Variants in DEPDC1B observed in about 807,000 individuals in gnomAD.
DEPDC1B encodes the protein DEP domain containing 1B.
Under a neutral mutation model 66.5 loss-of-function variants are expected in DEPDC1B, and 51 were observed. The observed-to-expected ratio is 0.77, with a 90% CI of 0.61 to 0.97. The LOEUF (loss-of-function observed/expected upper bound fraction) is 0.97. Among genes scored for constraint, DEPDC1B ranks in the 50% least tolerant of loss-of-function variants. The pLI, the probability that DEPDC1B is intolerant of heterozygous loss-of-function variation, is 0.00. For synonymous variants in DEPDC1B, 226 were observed against 223.6 expected (o/e 1.01, Z -0.10); for missense variants, 552 against 637.1 (o/e 0.87, Z 1.44).
chr5:60,684,631 T>C (rs1754371932), intron 2 of DEPDC1B, among the ~76,000 whole-genome samples: 1 of 152,100 alleles, frequency 6.6e-6, no homozygotes, highest in Non-Finnish European at 1.5e-5. Flanking sequence ...CCTGAAACTA[T>C]AAAACTACTA....
At chr5:60,681,786 AT>A (rs201118059) in intron 2 of DEPDC1B, among the ~76,000 whole-genome samples, 2,856 of 148,828 alleles carry the variant, frequency 0.019, 108 homozygotes, top group African/African-American at 0.066. Flanking sequence ...CTGAATTATA[AT>A]TTTTTTTTTT....
At chr5:60,672,163 T>C (rs1754056402) in intron 2 of DEPDC1B, among the ~76,000 whole-genome samples, 1 of 152,234 alleles carries the variant, frequency 6.6e-6, no homozygotes. Flanking sequence ...ACTTATTTGC[T>C]TGTTGTATAG....
At chr5:60,647,760 C>T in intron 2 of DEPDC1B, 1 of 338,840 alleles carries the variant, frequency 3.0e-6, no homozygotes, top group Middle Eastern at 8.5e-4. Flanking sequence ...TTTCTGCAGT[C>T]TTGTTAGAAA....
At chr5:60,642,354 TAAC>T (rs1367500049) in intron 6 of DEPDC1B, among the ~76,000 whole-genome samples, 2 of 152,204 alleles carry the variant, frequency 1.3e-5, no homozygotes, top group Non-Finnish European at 2.9e-5. Context: ...TGAGATACTA[TAAC>T]AACTAATGCC....
intron 8 of DEPDC1B, among the ~76,000 whole-genome samples, chr5:60,604,215 A>ATTTTTTT (rs1323826916): frequency 1.5e-4 from 9 of 60,090 alleles, no homozygotes; most frequent in South Asian, 4.0e-4. Context: ...GAAATTAACT[A>ATTTTTTT]TTCTTTTTTT....
intron 7 of DEPDC1B, among the ~76,000 whole-genome samples, chr5:60,611,230 G>T (rs976710203): frequency 6.6e-5 from 10 of 152,086 alleles, no homozygotes; most frequent in Admixed American, 5.9e-4. Flanking sequence ...GTAAGTGTTT[G>T]GGGGAACCAC....
At chr5:60,693,089 T>C (rs1251389099) in intron 1 of DEPDC1B, among the ~76,000 whole-genome samples, 1 of 152,190 alleles carries the variant, frequency 6.6e-6, no homozygotes, top group Non-Finnish European at 1.5e-5. Flanking sequence ...TATGAAAATT[T>C]GTTGAGTTGT....
intron 6 of DEPDC1B, among the ~76,000 whole-genome samples, 180 bp from the exon 7 acceptor site, chr5:60,639,070 G>C (rs1178013698): frequency 6.6e-6 from 1 of 151,908 alleles, no homozygotes; most frequent in African/African-American, 2.4e-5. Flanking sequence ...AATTAAATAG[G>C]CATTTTACAT....
intron 1 of DEPDC1B, among the ~76,000 whole-genome samples, chr5:60,693,226 A>G (rs879509725): frequency 6.6e-6 from 1 of 152,178 alleles, no homozygotes; most frequent in Non-Finnish European, 1.5e-5. Context: ...TATTACCCAC[A>G]TGAAAGTTGG....
intron 3 of DEPDC1B, among the ~76,000 whole-genome samples, chr5:60,646,812 G>T (rs756849724): frequency 6.6e-6 from 1 of 152,090 alleles, no homozygotes; most frequent in African/African-American, 2.4e-5. Flanking sequence ...CAGATCGGCC[G>T]CATTAGATTC....
intron 7 of DEPDC1B, among the ~76,000 whole-genome samples, chr5:60,631,821 T>C (rs565216112): frequency 1.3e-5 from 2 of 152,334 alleles, no homozygotes; most frequent in Admixed American, 6.5e-5. Context: ...GCCTTATTCA[T>C]AGGATCACAG....
intron 9 of DEPDC1B, among the ~76,000 whole-genome samples, chr5:60,601,605 T>C (rs1203660041): frequency 6.6e-6 from 1 of 152,204 alleles, no homozygotes; most frequent in Non-Finnish European, 1.5e-5. Context: ...TACTGCTATA[T>C]TGCTTCCAAA....
intron 10 of DEPDC1B, 113 bp downstream of exon 10, chr5:60,598,962 G>T: frequency 1.1e-6 from 1 of 919,988 alleles, no homozygotes. Flanking sequence ...AATATACTTA[G>T]AAAACTGCTA....
intron 2 of DEPDC1B, among the ~76,000 whole-genome samples, chr5:60,659,748 AC>A: frequency 6.6e-6 from 1 of 152,184 alleles, no homozygotes; most frequent in South Asian, 2.1e-4. Context: ...CTCTGAATCT[AC>A]TTCCTTTGAT....
intron 1 of DEPDC1B, among the ~76,000 whole-genome samples, chr5:60,695,609 T>C (rs368341317): frequency 1.3e-5 from 2 of 152,154 alleles, no homozygotes; most frequent in African/African-American, 4.8e-5. Context: ...ATGCCATGCT[T>C]TTCTAAATGA....
intron 1 of DEPDC1B, among the ~76,000 whole-genome samples, chr5:60,690,731 G>A (rs1427105641): frequency 6.6e-6 from 1 of 152,150 alleles, no homozygotes; most frequent in African/African-American, 2.4e-5. Flanking sequence ...TCTGATCTCA[G>A]AGTTGTTTTT....
rs1754747776 is a variant in DEPDC1B at position 60,699,967 on chromosome 5, T to C, written c.48+79A>G. On this transcript the variant is annotated intron_variant, in intron 1 of 10. Transcript: ENST00000265036. ...CCCGCTGGCCTGCGGAAGCGAAGAC[T>C]GACAAGCACTCTGTCCGCGCGCTGA... 9 of 1,511,884 alleles carry C rather than the reference T, an allele frequency of 6.0e-6. No homozygotes were observed. The South Asian group carries it at 9.6e-5, about 16-fold the overall frequency. 93.7% of individuals were successfully genotyped at this position (1,511,884 alleles called of 1,614,324 possible).
At chr5:60,628,765 T>C (rs1399881868) in intron 7 of DEPDC1B, 1 of 152,172 alleles carries the variant, frequency 6.6e-6, no homozygotes, top group Non-Finnish European at 1.5e-5. Context: ...TTTTATGACT[T>C]TTTTTTGCTT....
intron 7 of DEPDC1B, among the ~76,000 whole-genome samples, chr5:60,610,071 C>A (rs1198076361): frequency 6.6e-6 from 1 of 152,086 alleles, no homozygotes; most frequent in Non-Finnish European, 1.5e-5. Context: ...ATATGCCTCC[C>A]ATGGCTAGAA....
Sources: gnomAD v4.1 joint callset for allele counts (sites outside exome capture counted in the v4.1 genomes callset) on GRCh38, gnomAD v4.1.1 for gene constraint, MANE v1.5 for transcripts, NCBI Gene and HGNC (gene_info 2026-07-23, HGNC 2026-07-21) for gene names.